RASGEF1A: variants seen among roughly 807,000 people sequenced by gnomAD.
RASGEF1A encodes ras-GEF domain-containing family member 1A.
A neutral mutation model predicts 56.4 loss-of-function variants in RASGEF1A; 18 were observed. That is an observed-to-expected ratio of 0.32 (90% CI 0.22 to 0.47). RASGEF1A has a LOEUF of 0.47. Ranked by LOEUF, RASGEF1A falls within the 20% of genes least tolerant of loss-of-function variation. RASGEF1A has a pLI of 1.00. For missense variants in RASGEF1A, 422 were observed against 627.1 expected, an observed-to-expected ratio of 0.67 and a Z score of 3.49; for synonymous variants, 245 against 242.6, an observed-to-expected ratio of 1.01 and a Z score of -0.09.
intron 1 of RASGEF1A, among the ~76,000 whole-genome samples, chr10:43,220,846 A>C (rs947710830): frequency 6.6e-6 from 1 of 151,830 alleles, no homozygotes; most frequent in African/African-American, 2.4e-5. Context: ...GAAGTTGCTG[A>C]GCCCTCAGAG....
intron 5 of RASGEF1A, 82 bp from the exon 6 acceptor site, chr10:43,200,338 A>G: frequency 1.8e-5 from 23 of 1,259,418 alleles, no homozygotes; most frequent in Non-Finnish European, 2.6e-5. Flanking sequence ...GGACAGGGAG[A>G]GGAGGAGCTG....
chr10:43,213,881 C>T (rs932378541), intron 1 of RASGEF1A, among the ~76,000 whole-genome samples: 5 of 152,186 alleles, frequency 3.3e-5, no homozygotes, highest in Non-Finnish European at 7.3e-5. Flanking sequence ...ATCTGCCCGC[C>T]TCAACCTCCC....
rs117414926 is a variant in RASGEF1A at position 43,226,973 on chromosome 10, G to A, written c.-6-20851C>T. Among the ~76,000 whole-genome samples, 734 of 152,312 alleles carry A rather than the reference G, an allele frequency of 4.8e-3. 2 individuals carry two copies. The highest frequency in any genetic ancestry group is 8.1e-3 in the Non-Finnish European group (554 of 68,028). On this transcript the variant is annotated intron_variant, in intron 1 of 12. Coordinates refer to ENST00000395810, the MANE Select transcript of RASGEF1A (RefSeq NM_145313.4). ...CTCTTCAGGATTGGGGGTCTGTGCCGGGTGTCGTGGAGGCACGGAGGTGGG... is the reference window on the plus strand; with the variant it reads ...CTCTTCAGGATTGGGGGTCTGTGCCAGGTGTCGTGGAGGCACGGAGGTGGG...
intron 1 of RASGEF1A, among the ~76,000 whole-genome samples, chr10:43,234,862 C>T (rs574472446): frequency 5.4e-4 from 83 of 152,306 alleles, no homozygotes; most frequent in African/African-American, 1.7e-3. Flanking sequence ...CTCAGGGGTC[C>T]GAGGGCTCAC....
intron 1 of RASGEF1A, among the ~76,000 whole-genome samples, chr10:43,255,806 G>A (rs989742990): frequency 2.6e-5 from 4 of 152,184 alleles, no homozygotes; most frequent in Non-Finnish European, 5.9e-5. Flanking sequence ...TGGTGGGTGT[G>A]TGGCCATTCC....
rs757839540 is a variant in RASGEF1A at position 43,194,685 on chromosome 10, A to G, written c.*1559T>C. 6.6e-6 allele frequency: 1 copy of G among 152,166 alleles called. No homozygotes were observed. The highest frequency in any genetic ancestry group is 1.5e-5 in the Non-Finnish European group (1 of 68,048). The allele number at this position is 152,166 out of a possible 1,614,324, so 9.4% of individuals were successfully genotyped here. A position where few individuals can be genotyped will look rare whatever the true frequency, so the allele number is the denominator to read the frequency against. On this transcript the variant is annotated 3_prime_UTR_variant, in exon 13 of 13. Coordinates refer to ENST00000395810, the MANE Select transcript of RASGEF1A (RefSeq NM_145313.4). The stretch of plus-strand genomic sequence containing the variant: ...TATCAAATTGGGAAAATAAAGTAGC[A>G]GACAGACACTGTTTCAAGTAGGTAC...
chr10:43,231,926 C>CA (rs1840374653), intron 1 of RASGEF1A, among the ~76,000 whole-genome samples: 1 of 152,242 alleles, frequency 6.6e-6, no homozygotes, highest in South Asian at 2.1e-4. Context: ...GCCGGGACTT[C>CA]AGGGAGACCA....
intron 1 of RASGEF1A, among the ~76,000 whole-genome samples, chr10:43,232,825 C>A (rs964641155): frequency 2.6e-5 from 4 of 152,202 alleles, no homozygotes; most frequent in African/African-American, 9.7e-5. Context: ...CAGACTACTA[C>A]ACTCGCAAAG....
chr10:43,260,889 C>G (rs1220597457), intron 1 of RASGEF1A, among the ~76,000 whole-genome samples: 3 of 152,248 alleles, frequency 2.0e-5, no homozygotes, highest in African/African-American at 7.2e-5. Context: ...ATATACAACT[C>G]TTTTAGAGTT....
chr10:43,206,262 C>A (rs1006596203), intron 1 of RASGEF1A, 140 bp from the exon 2 acceptor site: 8 of 729,304 alleles, frequency 1.1e-5, no homozygotes, highest in Non-Finnish European at 1.8e-5. Flanking sequence ...AGAGGGCACC[C>A]CCATTCCAGG....
chr10:43,223,169 G>A (rs941731200), intron 1 of RASGEF1A, among the ~76,000 whole-genome samples: 1 of 152,094 alleles, frequency 6.6e-6, no homozygotes, highest in Non-Finnish European at 1.5e-5. Context: ...CTGGACAGGG[G>A]ACCAAGATAT....
chr10:43,204,977 G>A (rs1839972099), intron 2 of RASGEF1A, among the ~76,000 whole-genome samples: 1 of 152,238 alleles, frequency 6.6e-6, no homozygotes, highest in Admixed American at 6.5e-5. Context: ...TTACGGGACA[G>A]ACAGAAGGAC....
intron 1 of RASGEF1A, among the ~76,000 whole-genome samples, chr10:43,261,483 G>C (rs1237818246): frequency 6.6e-6 from 1 of 152,216 alleles, no homozygotes; most frequent in Non-Finnish European, 1.5e-5. Context: ...GCCAGTGGGG[G>C]ACTCCACTCC....
intron 1 of RASGEF1A, among the ~76,000 whole-genome samples, chr10:43,211,746 T>C (rs150416573): frequency 6.6e-6 from 1 of 152,180 alleles, no homozygotes; most frequent in East Asian, 1.9e-4. Context: ...CCCGCACACC[T>C]GAGTCCTTTC....
intron 1 of RASGEF1A, chr10:43,209,108 C>T: frequency 1.0e-6 from 1 of 985,464 alleles, no homozygotes; most frequent in Non-Finnish European, 1.2e-6. Context: ...CAGCTGTGTC[C>T]ACCACCAGGC....
intron 1 of RASGEF1A, among the ~76,000 whole-genome samples, chr10:43,258,247 T>C (rs1320831088): frequency 6.6e-6 from 1 of 152,084 alleles, no homozygotes; most frequent in African/African-American, 2.4e-5. Flanking sequence ...ATCATCTGAG[T>C]GGGTGGGTAT....
chr10:43,263,584 A>G (rs1836572900), intron 1 of RASGEF1A, among the ~76,000 whole-genome samples: 1 of 152,076 alleles, frequency 6.6e-6, no homozygotes, highest in Admixed American at 6.5e-5. Flanking sequence ...CTGCTCCCTG[A>G]ATTCACAAAG....
chr10:43,250,697 C>G (rs1588950836), intron 1 of RASGEF1A, among the ~76,000 whole-genome samples: 2 of 152,298 alleles, frequency 1.3e-5, no homozygotes, highest in South Asian at 4.1e-4. Context: ...CACAGAGGCT[C>G]CTTGCTTACA....
chr10:43,203,209 T>G, intron 3 of RASGEF1A, 89 bp downstream of exon 3: 1 of 1,160,978 alleles, frequency 8.6e-7, no homozygotes, highest in Non-Finnish European at 1.1e-6. Flanking sequence ...AGCTCTACCG[T>G]GAACCCCGCC....
Sources: gnomAD v4.1 joint callset for allele counts (sites outside exome capture counted in the v4.1 genomes callset) on GRCh38, gnomAD v4.1.1 for gene constraint, MANE v1.5 for transcripts, NCBI Gene and HGNC (gene_info 2026-07-23, HGNC 2026-07-21) for gene names.